The following LCA5 variants were observed in gnomAD, a reference collection of about 807,000 sequenced individuals.
The protein encoded by LCA5 is lebercilin LCA5.
A neutral mutation model predicts 53.0 loss-of-function variants in LCA5; 37 were observed. The observed-to-expected ratio is 0.70, with a 90% confidence interval of 0.54 to 0.92. The LOEUF (loss-of-function observed/expected upper bound fraction) is 0.92, where lower values mean the gene tolerates loss of function less well. Among genes scored for constraint, LCA5 ranks in the 40% least tolerant of loss-of-function variants. LCA5 has a pLI of 0.00. For missense variants in LCA5, 806 were observed against 790.5 expected, an observed-to-expected ratio of 1.02 and a Z score of -0.23; for synonymous variants, 303 against 282.9, an observed-to-expected ratio of 1.07 and a Z score of -0.71.
intron 3 of LCA5, among the ~76,000 whole-genome samples, chr6:79,499,780 G>A (rs1242412495): frequency 6.6e-6 from 1 of 150,534 alleles, no homozygotes; most frequent in Non-Finnish European, 1.5e-5. Context: ...GTGCCATGCT[G>A]GTGTGCTGCA....
At chr6:79,534,749 TG>T (rs1011185518) in intron 1 of LCA5, among the ~76,000 whole-genome samples, 4 of 151,790 alleles carry the variant, frequency 2.6e-5, no homozygotes, top group African/African-American at 4.8e-5. Flanking sequence ...GTTTGAAAAG[TG>T]GGGGGGTAAA....
At chr6:79,535,717 A>G (rs1767094856) in intron 1 of LCA5, among the ~76,000 whole-genome samples, 1 of 152,228 alleles carries the variant, frequency 6.6e-6, no homozygotes, top group African/African-American at 2.4e-5. Flanking sequence ...CAAAAGTTCC[A>G]GATCAGAAAT....
In LCA5 at chr6:79,518,791, C is replaced by A; in HGVS notation, c.104G>T (p.Arg35Leu). Reference protein sequence around the residue: ...SDFETPQSSGRSSLVSSSPAS... With the variant: ...SDFETPQSSGLSSLVSSSPAS... ...AGGTGAAGAACTGACCAGCGATGAT[C>A]GGCCAGAAGACTGTGGCGTTTCAAA... The change falls in exon 2 of 8, where the codon CGA becomes CTA. Residue 35 changes from arginine to leucine, a missense_variant. Transcript: ENST00000369846. 1 of 1,614,110 alleles carries A rather than the reference C, an allele frequency of 6.2e-7. No homozygotes were observed. The highest frequency in any genetic ancestry group is 8.5e-7 in the Non-Finnish European group (1 of 1,180,006).
At chr6:79,505,240 A>G (rs1770244095) in intron 3 of LCA5, among the ~76,000 whole-genome samples, 1 of 152,164 alleles carries the variant, frequency 6.6e-6, no homozygotes, top group Non-Finnish European at 1.5e-5. Context: ...TTTAAGCTTT[A>G]CACTTCAATC....
chr6:79,526,272 G>A (rs1025253222), intron 1 of LCA5, among the ~76,000 whole-genome samples: 2 of 152,112 alleles, frequency 1.3e-5, no homozygotes, highest in Admixed American at 6.5e-5. Context: ...GGCTGGGCGC[G>A]GTGGCTCATG....
chr6:79,489,178 T>A lies in LCA5; in HGVS notation c.1137A>T (p.Ala379=), dbSNP rs562204881. 6.2e-7 allele frequency: 1 copy of A among 1,612,648 alleles called. No individual in the cohort carries two copies. Among genetic ancestry groups the A allele is most frequent in the South Asian group, 1.1e-5 (1 of 91,066 alleles). The change falls in exon 7 of 8, where the codon GCA becomes GCT. Residue 379 remains alanine, a synonymous_variant. Coordinates refer to ENST00000369846, the MANE Select transcript of LCA5 (RefSeq NM_001122769.3). ...TTTCCATAATTGGGTTTAGAATCCC[T>A]GCTTCTCCATGCCTGTCTTGCTTTT... The part of the protein sequence containing the change: ...QSQKQDRHGE[A]GILNPIMERE...
In LCA5 at chr6:79,487,236, C is replaced by T. The variant is rs756929736; in HGVS notation, c.1862G>A (p.Ser621Asn). The T allele has an allele frequency of 6.8e-6, 11 of 1,613,930 alleles. No individual in the cohort carries two copies. The highest frequency in any genetic ancestry group is 5.9e-6 in the Non-Finnish European group (7 of 1,179,970). Reference protein sequence around the residue: ...ASGSSTISSKSSDPNSVASSK... With the variant: ...ASGSSTISSKNSDPNSVASSK... ...GGAAGCCACAGAATTTGGGTCACTG[C>T]TTTTGGAGGAAATGGTGCTGCTACC... The change falls in exon 8 of 8, where the codon AGC (serine) becomes AAC (asparagine). Residue 621 changes from serine (S) to asparagine (N), a missense_variant. Physicochemically the swap from Ser to Asn is conservative, Grantham distance 46. Transcript: ENST00000369846.
intron 3 of LCA5, among the ~76,000 whole-genome samples, chr6:79,507,326 T>G (rs933123121): frequency 6.6e-6 from 1 of 152,154 alleles, no homozygotes; most frequent in African/African-American, 2.4e-5. Flanking sequence ...TATTACTAAG[T>G]GAATTAAGAC....
At chr6:79,517,625 C>T (rs1366135984) in intron 2 of LCA5, among the ~76,000 whole-genome samples, 1 of 151,968 alleles carries the variant, frequency 6.6e-6, no homozygotes, top group Non-Finnish European at 1.5e-5. Flanking sequence ...GAAAAAGGTT[C>T]CCAATTGTTA....
chr6:79,520,016 TC>T (rs1276216454), intron 1 of LCA5, among the ~76,000 whole-genome samples: 1 of 152,134 alleles, frequency 6.6e-6, no homozygotes, highest in African/African-American at 2.4e-5. Flanking sequence ...CAGAAAAAGA[TC>T]CCTAGAGTTT....
In LCA5 at chr6:79,513,657, G is replaced by A. The variant is rs759758461; in HGVS notation, c.275C>T (p.Pro92Leu). 13 of 1,613,728 alleles carry A rather than the reference G, an allele frequency of 8.1e-6. No homozygotes were observed. In the Admixed American group the frequency reaches 2.2e-4, roughly 27 times the overall value. ...AACAAGATCAGTATCTTTCCGAAGT[G>A]GCTCTCTATTGAGGCTCTGGGAGCG... ...GFRSQSLNRE[P>L]LRKDTDLVTK... is the part of the protein sequence containing the mutation. The change falls in exon 3 of 8, where the codon CCA becomes CTA. Residue 92 changes from proline (P) to leucine (L), a missense_variant. Transcript: ENST00000369846.
rs1394281 is a variant in LCA5, at chr6:79,485,252, C to T, written c.*1752G>A. The T allele has an allele frequency of 8.3e-3, 1,267 of 152,306 alleles. 11 individuals carry two copies. The highest frequency in any genetic ancestry group is 0.014 in the Non-Finnish European group (927 of 67,900). 9.4% of individuals were successfully genotyped at this position (152,306 alleles called of 1,614,324 possible). ...AAAAGCAAAAAACTAATTTAAATGA[C>T]GTGAATAAAAAACTTAACTAAAAAG... On this transcript the variant is annotated 3_prime_UTR_variant, in exon 8 of 8. Coordinates refer to ENST00000369846, the MANE Select transcript of LCA5 (RefSeq NM_001122769.3).
intron 1 of LCA5, among the ~76,000 whole-genome samples, chr6:79,524,465 A>T (rs190193700): frequency 6.6e-6 from 1 of 152,214 alleles, no homozygotes; most frequent in Non-Finnish European, 1.5e-5. Flanking sequence ...CTTTGAAGAC[A>T]CTGCTTCACT....
chr6:79,525,766 T>C (rs1766767618), intron 1 of LCA5, among the ~76,000 whole-genome samples: 1 of 104,814 alleles, frequency 9.5e-6, no homozygotes, highest in Non-Finnish European at 1.7e-5. Flanking sequence ...AAGTTAACTT[T>C]GTAACTAACA....
intron 7 of LCA5, 138 bp downstream of exon 7, chr6:79,488,946 T>C (rs2127666873): frequency 1.1e-6 from 1 of 937,926 alleles, no homozygotes; most frequent in African/African-American, 1.6e-5. Flanking sequence ...TGATAAGCCA[T>C]CCCCTACCAC....
chr6:79,516,956 T>G (rs1011087964), intron 2 of LCA5, among the ~76,000 whole-genome samples: 1 of 151,872 alleles, frequency 6.6e-6, no homozygotes, highest in African/African-American at 2.4e-5. Flanking sequence ...CCATGAAAAA[T>G]TTTGATACTG....
At chr6:79,535,739 A>G (rs1031907843) in intron 1 of LCA5, among the ~76,000 whole-genome samples, 2 of 152,232 alleles carry the variant, frequency 1.3e-5, no homozygotes, top group Non-Finnish European at 2.9e-5. Context: ...AAAAATTGGG[A>G]GAGTGTTAAT....
At chr6:79,495,750 CA>C (rs10637240) in intron 3 of LCA5, among the ~76,000 whole-genome samples, 2,655 of 73,792 alleles carry the variant, frequency 0.036, 67 homozygotes, top group African/African-American at 0.12. Flanking sequence ...GACTCCATCT[CA>C]AAAAAAAAAA....
At chr6:79,528,513 T>C (rs769850978) in intron 1 of LCA5, among the ~76,000 whole-genome samples, 8 of 152,144 alleles carry the variant, frequency 5.3e-5, no homozygotes, top group Non-Finnish European at 1.2e-4. Context: ...TGGCATTCCA[T>C]AAGATACCCA....
Sources: allele counts gnomAD v4.1 joint callset (sites outside exome capture counted in the v4.1 genomes callset), GRCh38; gene constraint gnomAD v4.1.1; transcripts MANE v1.5; gene names NCBI Gene and HGNC (gene_info 2026-07-23, HGNC 2026-07-21).